Variants in ATP8A2 observed in about 807,000 individuals in gnomAD.
ATP8A2 encodes the protein phospholipid-transporting ATPase IB.
Under a neutral mutation model 165.6 loss-of-function variants are expected in ATP8A2, and 100 were observed. The ratio of observed to expected loss-of-function variants is 0.60; its 90% CI spans 0.51 to 0.71. ATP8A2 has a LOEUF of 0.71. Among genes scored for constraint, ATP8A2 ranks in the 30% least tolerant of loss-of-function variants. ATP8A2 has a pLI of 0.00. For synonymous variants in ATP8A2, 543 were observed against 548.8 expected (o/e 0.99, Z 0.15); for missense variants, 1,227 against 1,479.5 (o/e 0.83, Z 2.80).
chr13:25,587,537 C>T (rs938418888), intron 23 of ATP8A2, among the ~76,000 whole-genome samples: 3 of 152,020 alleles, frequency 2.0e-5, no homozygotes, highest in Admixed American at 1.3e-4. Flanking sequence ...AAGCAGCAAG[C>T]GAGGGCTTAA....
chr13:25,908,784 T>C (rs553564306), intron 33 of ATP8A2, among the ~76,000 whole-genome samples: 1 of 152,372 alleles, frequency 6.6e-6, no homozygotes, highest in East Asian at 1.9e-4. Flanking sequence ...TTCCCTGTGC[T>C]CATGATCCTG....
Position 25,762,223 on chromosome 13 carries a change from C to G in ATP8A2, c.2385-6823C>G, listed in dbSNP as rs564660521. Among the ~76,000 whole-genome samples, 3 of 118,452 alleles carry G rather than the reference C, an allele frequency of 2.5e-5. No individual in the cohort carries two copies. In the East Asian group the frequency reaches 8.4e-4, roughly 33 times the overall value. The allele number at this position is 118,452 out of a possible 152,430, so 77.7% of individuals were successfully genotyped here. ...GGCGGAGGTTGCAGTGAGCCAAGATCATTCCATTGCACTCCAGCCTGGGTG... is the reference window on the plus strand; with the variant it reads ...GGCGGAGGTTGCAGTGAGCCAAGATGATTCCATTGCACTCCAGCCTGGGTG... On this transcript the variant is annotated intron_variant, in intron 25 of 36. Coordinates refer to ENST00000381655, the MANE Select transcript of ATP8A2 (RefSeq NM_016529.6).
intron 30 of ATP8A2, among the ~76,000 whole-genome samples, chr13:25,850,231 C>T (rs9581467): frequency 0.13 from 20,240 of 152,192 alleles, 1,605 homozygotes; most frequent in Non-Finnish European, 0.18. Flanking sequence ...GTACCAGTGA[C>T]GGGTGTCTGC....
chr13:25,438,425 C>G (rs576638202), intron 1 of ATP8A2, among the ~76,000 whole-genome samples: 7 of 152,194 alleles, frequency 4.6e-5, no homozygotes, highest in East Asian at 1.9e-4. Flanking sequence ...GGGAGGATTG[C>G]TTGAGGCCAG....
chr13:25,903,534 C>T (rs1444364539), intron 33 of ATP8A2, among the ~76,000 whole-genome samples: 2 of 152,192 alleles, frequency 1.3e-5, no homozygotes, highest in African/African-American at 4.8e-5. Context: ...GGCTTCTGGC[C>T]TCATTAAGAG....
chr13:25,377,775 G>A (rs1441434636), intron 1 of ATP8A2, among the ~76,000 whole-genome samples: 3 of 152,122 alleles, frequency 2.0e-5, no homozygotes, highest in African/African-American at 7.2e-5. Context: ...CTGGGCAACA[G>A]GGTGAGACTC....
intron 14 of ATP8A2, 92 bp from the exon 15 acceptor site, chr13:25,559,629 A>C: frequency 1.1e-6 from 1 of 929,408 alleles, no homozygotes; most frequent in South Asian, 1.4e-5. Flanking sequence ...GTAAGTTTGT[A>C]TATCTAATCT....
At chr13:25,567,188 A>G (rs1298970245) in intron 16 of ATP8A2, 3 of 368,226 alleles carry the variant, frequency 8.1e-6, no homozygotes, top group African/African-American at 2.1e-5. Flanking sequence ...CTGGCCCGGG[A>G]CTGGTGTTTT....
intron 33 of ATP8A2, among the ~76,000 whole-genome samples, chr13:25,882,028 C>A (rs1952993245): frequency 6.6e-6 from 1 of 152,100 alleles, no homozygotes; most frequent in Non-Finnish European, 1.5e-5. Flanking sequence ...GAAGGACTCG[C>A]CTGAGTTCAA....
intron 33 of ATP8A2, among the ~76,000 whole-genome samples, chr13:25,911,017 C>A (rs1954090618): frequency 6.6e-6 from 1 of 151,630 alleles, no homozygotes; most frequent in Admixed American, 6.6e-5. Flanking sequence ...ATTACCCCTG[C>A]AGGGTCACCA....
chr13:25,739,130 G>A (rs1233258893), intron 25 of ATP8A2, among the ~76,000 whole-genome samples: 3 of 152,208 alleles, frequency 2.0e-5, no homozygotes, highest in Admixed American at 2.0e-4. Context: ...AAAATCTTCT[G>A]GTGTTTCTCT....
rs1234808108 is a variant in ATP8A2 at position 25,481,167 on chromosome 13, C to CGTGGGGAGAGGGAGACT, written c.221+12061_221+12062insCTGTGGGGAGAGGGAGA. ...CGTGGAAAGAGAGGGAGAGGGAGACCGTGGGGAGAGGGAGAGGGAGAGGGA... is the reference window on the plus strand; with the variant it reads ...CGTGGAAAGAGAGGGAGAGGGAGACCGTGGGGAGAGGGAGACTGTGGGGAGAGGGAGAGGGAGAGGGA... On this transcript the variant is annotated intron_variant, in intron 2 of 36. Coordinates refer to ENST00000381655, the MANE Select transcript of ATP8A2 (RefSeq NM_016529.6). 2.2e-3 allele frequency among the ~76,000 whole-genome samples: 326 copies of CGTGGGGAGAGGGAGACT among 147,472 alleles called. 2 individuals carry two copies. The highest frequency in any genetic ancestry group is 8.0e-3 in the African/African-American group (306 of 38,486).
intron 2 of ATP8A2, among the ~76,000 whole-genome samples, chr13:25,480,348 C>G (rs1164183755): frequency 6.6e-6 from 1 of 151,914 alleles, no homozygotes; most frequent in African/African-American, 2.4e-5. Context: ...AGACGCTCCT[C>G]ACTTCCCAGA....
intron 24 of ATP8A2, among the ~76,000 whole-genome samples, chr13:25,592,027 G>GTT (rs879612217): frequency 9.9e-5 from 10 of 101,006 alleles, no homozygotes; most frequent in African/African-American, 2.6e-4. Context: ...TGCCAACACT[G>GTT]GTTTTTTTTT....
intron 24 of ATP8A2, among the ~76,000 whole-genome samples, chr13:25,671,766 G>A (rs1193377094): frequency 6.6e-6 from 1 of 152,314 alleles, no homozygotes; most frequent in East Asian, 1.9e-4. Flanking sequence ...TTTTGCCTCG[G>A]TCCTGTGGTC....
intron 25 of ATP8A2, among the ~76,000 whole-genome samples, chr13:25,755,902 C>T (rs773776409): frequency 1.3e-5 from 2 of 151,320 alleles, no homozygotes; most frequent in Non-Finnish European, 2.9e-5. Flanking sequence ...TGCAAGACTC[C>T]GTCTCAAAAA....
chr13:25,628,306 C>A (rs146391850), intron 24 of ATP8A2, among the ~76,000 whole-genome samples: 1 of 152,202 alleles, frequency 6.6e-6, no homozygotes, highest in Non-Finnish European at 1.5e-5. Context: ...TTTAAGATAA[C>A]ATCACACAGC....
At chr13:25,883,640 T>C (rs1430240754) in intron 33 of ATP8A2, among the ~76,000 whole-genome samples, 1 of 152,250 alleles carries the variant, frequency 6.6e-6, no homozygotes, top group Non-Finnish European at 1.5e-5. Flanking sequence ...CAGTCTGGCA[T>C]TGCCAACATG....
chr13:25,928,728 C>T (rs574898812), intron 33 of ATP8A2, among the ~76,000 whole-genome samples: 1 of 152,328 alleles, frequency 6.6e-6, no homozygotes, highest in East Asian at 1.9e-4. Flanking sequence ...CTTCTTCCCT[C>T]CCTTGCATTC....
Sources: gnomAD v4.1 joint callset for allele counts (sites outside exome capture counted in the v4.1 genomes callset) on GRCh38, gnomAD v4.1.1 for gene constraint, MANE v1.5 for transcripts, NCBI Gene and HGNC (gene_info 2026-07-23, HGNC 2026-07-21) for gene names.